The following NRXN1 variants were observed in gnomAD, a reference collection of about 807,000 sequenced individuals.
NRXN1 encodes neurexin-1.
In NRXN1, 39 loss-of-function variants were observed where a neutral mutation model predicts 150.9. The ratio of observed to expected loss-of-function variants is 0.26; its 90% CI spans 0.20 to 0.34. The LOEUF (loss-of-function observed/expected upper bound fraction) is 0.34, where lower values mean the gene tolerates loss of function less well. Ranked by LOEUF, NRXN1 falls within the 10% of genes least tolerant of loss-of-function variation. NRXN1 has a pLI of 1.00. For synonymous variants in NRXN1, 924 were observed against 757.0 expected (o/e 1.22, Z -3.62); for missense variants, 1,815 against 1,949.9 (o/e 0.93, Z 1.30).
At chr2:50,042,546 G>A (rs185554830) in intron 21 of NRXN1, among the ~76,000 whole-genome samples, 14 of 152,240 alleles carry the variant, frequency 9.2e-5, no homozygotes, top group Admixed American at 2.6e-4. Context: ...TTATAGCAGC[G>A]TGGGAATGGA....
At chr2:50,971,625 A>G (rs1695017872) in intron 2 of NRXN1, among the ~76,000 whole-genome samples, 1 of 152,010 alleles carries the variant, frequency 6.6e-6, no homozygotes, top group Non-Finnish European at 1.5e-5. Flanking sequence ...ATAAATTTTA[A>G]AAATAAATAT....
intron 17 of NRXN1, among the ~76,000 whole-genome samples, chr2:50,391,445 G>C (rs1039960100): frequency 1.3e-5 from 2 of 151,916 alleles, no homozygotes; most frequent in African/African-American, 2.4e-5. Context: ...TAATCTTCTT[G>C]GGAAGAGAAT....
In NRXN1 at chr2:50,986,598, A is replaced by C. The variant is rs143199294; in HGVS notation, c.772+40904T>G. On this transcript the variant is annotated intron_variant, in intron 2 of 22. Coordinates refer to ENST00000401669, the MANE Select transcript of NRXN1 (RefSeq NM_001330078.2). ...TCTAATAAATTTTAAAAAGTTTTTC[A>C]TTTATATTTTCCATTTCTCCTTCCA... Among the ~76,000 whole-genome samples the C allele has an allele frequency of 1.6e-4, 24 of 151,834 alleles. No homozygotes were observed. In the East Asian group the frequency reaches 4.6e-3, roughly 29 times the overall value.
At chr2:50,227,411 G>A (rs1364015473) in intron 18 of NRXN1, among the ~76,000 whole-genome samples, 1 of 152,018 alleles carries the variant, frequency 6.6e-6, no homozygotes, top group African/African-American at 2.4e-5. Context: ...TTGCTACCAG[G>A]TGAGAGGTGG....
At chr2:50,320,283 C>CTTATATATATACAT (rs1178411507) in intron 17 of NRXN1, among the ~76,000 whole-genome samples, 5 of 43,054 alleles carry the variant, frequency 1.2e-4, no homozygotes, top group African/African-American at 2.9e-4. Flanking sequence ...ATACCTCAAT[C>CTTATATATATACAT]ATATATATAT....
intron 5 of NRXN1, among the ~76,000 whole-genome samples, chr2:50,889,321 C>G (rs1037113052): frequency 6.6e-6 from 1 of 151,688 alleles, no homozygotes; most frequent in Non-Finnish European, 1.5e-5. Flanking sequence ...TTTGTGTACT[C>G]TTGCATATTA....
intron 5 of NRXN1, among the ~76,000 whole-genome samples, chr2:50,818,450 A>T (rs1483450295): frequency 2.6e-5 from 4 of 151,794 alleles, no homozygotes; most frequent in East Asian, 1.9e-4. Context: ...AATTGGTTTA[A>T]TTTTTTATTT....
intron 17 of NRXN1, among the ~76,000 whole-genome samples, chr2:50,442,517 T>C (rs2086047962): frequency 6.6e-6 from 1 of 151,836 alleles, no homozygotes; most frequent in African/African-American, 2.4e-5. Context: ...GAGGGAGAAA[T>C]GTGGAGAGTG....
chr2:50,920,812 A>T (rs565385324), intron 5 of NRXN1, among the ~76,000 whole-genome samples: 1 of 151,932 alleles, frequency 6.6e-6, no homozygotes, highest in South Asian at 2.1e-4. Context: ...GTGATAACCT[A>T]TGTTGTTGGA....
intron 22 of NRXN1, chr2:49,926,196 T>C (rs2104081361): frequency 2.5e-6 from 1 of 394,864 alleles, no homozygotes; most frequent in African/African-American, 2.1e-5. Context: ...CCATTTCATA[T>C]TTATATTCAC....
At chr2:50,242,465 A>C (rs1266103478) in intron 17 of NRXN1, among the ~76,000 whole-genome samples, 2 of 151,856 alleles carry the variant, frequency 1.3e-5, no homozygotes, top group African/African-American at 4.8e-5. Context: ...TCTTTGTAGA[A>C]TCATAAGGAA....
intron 5 of NRXN1, among the ~76,000 whole-genome samples, chr2:50,726,214 T>A (rs1697347150): frequency 6.6e-6 from 1 of 152,190 alleles, no homozygotes; most frequent in African/African-American, 2.4e-5. Flanking sequence ...TAACAACTTT[T>A]ATTTGTGCTG....
chr2:50,627,607 C>G (rs1303016168), intron 5 of NRXN1, among the ~76,000 whole-genome samples: 4 of 97,150 alleles, frequency 4.1e-5, no homozygotes, highest in African/African-American at 1.7e-4. Context: ...AAGCTTTTGT[C>G]AGACACAGAC....
At chr2:50,789,725 T>C (rs1705663325) in intron 5 of NRXN1, among the ~76,000 whole-genome samples, 2 of 152,128 alleles carry the variant, frequency 1.3e-5, no homozygotes, top group South Asian at 4.1e-4. Flanking sequence ...CTATTTTTTT[T>C]TAAAGGTGGG....
chr2:50,736,342 A>AG, intron 5 of NRXN1, among the ~76,000 whole-genome samples: 1 of 152,156 alleles, frequency 6.6e-6, no homozygotes, highest in Non-Finnish European at 1.5e-5. Flanking sequence ...AACCTGCCTA[A>AG]GGGAGTCTCA....
intron 21 of NRXN1, among the ~76,000 whole-genome samples, chr2:49,991,543 G>A (rs1553459300): frequency 6.6e-6 from 1 of 151,992 alleles, no homozygotes; most frequent in Non-Finnish European, 1.5e-5. Context: ...AAAATAAGTA[G>A]TTTTCTTCTA....
intron 21 of NRXN1, among the ~76,000 whole-genome samples, chr2:50,049,240 T>A (rs114171615): frequency 3.9e-5 from 6 of 152,312 alleles, no homozygotes; most frequent in African/African-American, 1.4e-4. Flanking sequence ...CCAGGCCAAC[T>A]GGGCTGCATG....
intron 5 of NRXN1, among the ~76,000 whole-genome samples, chr2:50,644,847 T>C (rs1440134265): frequency 1.3e-5 from 2 of 148,628 alleles, no homozygotes; most frequent in African/African-American, 2.4e-5. Context: ...ATATTTATAT[T>C]TATATATAAG....
chr2:50,381,572 C>CACAG (rs1250727282), intron 17 of NRXN1, among the ~76,000 whole-genome samples: 1 of 135,228 alleles, frequency 7.4e-6, no homozygotes, highest in African/African-American at 2.9e-5. Flanking sequence ...CACACACACA[C>CACAG]AATCTGCTTT....
Sources: allele counts gnomAD v4.1 joint callset (sites outside exome capture counted in the v4.1 genomes callset), GRCh38; gene constraint gnomAD v4.1.1; transcripts MANE v1.5; gene names NCBI Gene and HGNC (gene_info 2026-07-23, HGNC 2026-07-21).